KCNH8: variants seen among roughly 807,000 people sequenced by gnomAD.
KCNH8 encodes potassium voltage-gated channel subfamily H member 8, also known as voltage-gated delayed rectifier potassium channel KCNH8.
KCNH8 carries 70 observed loss-of-function variants against 103.6 expected under a neutral mutation model. The observed-to-expected ratio is 0.68, with a 90% CI of 0.56 to 0.82. The LOEUF (loss-of-function observed/expected upper bound fraction) is 0.82, where lower values mean the gene tolerates loss of function less well. Ranked by LOEUF, KCNH8 falls within the 40% of genes least tolerant of loss-of-function variation. The probability of loss-of-function intolerance (pLI) is 0.00; values close to 1 mark genes in which losing one functional copy is unlikely to be tolerated. For synonymous variants in KCNH8, 498 were observed against 489.4 expected (o/e 1.02, Z -0.23); for missense variants, 1,217 against 1,329.9 (o/e 0.92, Z 1.32).
intron 5 of KCNH8, among the ~76,000 whole-genome samples, chr3:19,379,514 C>T (rs1044764541): frequency 2.0e-5 from 3 of 152,006 alleles, no homozygotes; most frequent in Non-Finnish European, 2.9e-5. Flanking sequence ...GTGGCATGCA[C>T]CTATAGTCCC....
intron 11 of KCNH8, among the ~76,000 whole-genome samples, chr3:19,488,935 A>G (rs1295842320): frequency 2.0e-5 from 3 of 152,150 alleles, no homozygotes; most frequent in African/African-American, 7.2e-5. Context: ...TTAAAGCTTG[A>G]GGCTTTTTGG....
rs750779500 is a variant in KCNH8 at position 19,253,756 on chromosome 3, T to G, written c.179T>G (p.Val60Gly). 1 of 1,613,904 alleles carries G rather than the reference T, an allele frequency of 6.2e-7. No homozygotes were observed. The highest frequency in any genetic ancestry group is 1.1e-5 in the South Asian group (1 of 91,082). ...CELAGFARTE[V>G]MQKSCSCKFL... is the part of the protein sequence containing the mutation. The stretch of plus-strand genomic sequence containing the variant: ...CTTGCTGGATTTGCCCGAACTGAAG[T>G]CATGCAGAAGAGTTGTAGCTGCAAG... The change falls in exon 2 of 16, where the codon GTC (valine) becomes GGC (glycine). Residue 60 changes from valine to glycine, a missense_variant. By Grantham distance (109) the Val-to-Gly change is moderately radical. This residue lies in a region of KCNH8 where 244 missense variants were observed against 256.8 expected (regional missense o/e 0.95). Coordinates refer to ENST00000328405, the MANE Select transcript of KCNH8 (RefSeq NM_144633.3).
chr3:19,283,968 GA>G (rs1024289441), intron 3 of KCNH8, among the ~76,000 whole-genome samples: 6 of 145,998 alleles, frequency 4.1e-5, no homozygotes, highest in Admixed American at 6.8e-5. Context: ...TAAAGAAAAA[GA>G]AAAAAAAATA....
At chr3:19,286,660 C>T (rs369713508) in intron 3 of KCNH8, among the ~76,000 whole-genome samples, 5 of 152,096 alleles carry the variant, frequency 3.3e-5, no homozygotes, top group African/African-American at 7.2e-5. Flanking sequence ...TATATCCTCC[C>T]ATATACTTTA....
chr3:19,180,892 C>T (rs1191706771), intron 1 of KCNH8, among the ~76,000 whole-genome samples: 3 of 151,858 alleles, frequency 2.0e-5, no homozygotes, highest in Non-Finnish European at 2.9e-5. Context: ...ATAGGGTGAT[C>T]ACAGAGAAAG....
chr3:19,215,318 T>A (rs1285761141), intron 1 of KCNH8, among the ~76,000 whole-genome samples: 1 of 152,180 alleles, frequency 6.6e-6, no homozygotes, highest in Non-Finnish European at 1.5e-5. Flanking sequence ...TATTTATAAT[T>A]TCTGGCACCA....
At chr3:19,388,004 T>C (rs1228949875) in intron 5 of KCNH8, among the ~76,000 whole-genome samples, 2 of 151,848 alleles carry the variant, frequency 1.3e-5, no homozygotes, top group Non-Finnish European at 2.9e-5. Context: ...ACCACACAGC[T>C]TTAAAAATGT....
At chr3:19,348,365 G>A (rs184723701) in intron 5 of KCNH8, among the ~76,000 whole-genome samples, 6 of 144,720 alleles carry the variant, frequency 4.1e-5, no homozygotes, top group African/African-American at 1.2e-4. Flanking sequence ...ATGCCCTTCC[G>A]TGCCCTTTCA....
chr3:19,190,808 T>C (rs2063544873), intron 1 of KCNH8, among the ~76,000 whole-genome samples: 3 of 151,910 alleles, frequency 2.0e-5, no homozygotes, highest in Admixed American at 6.6e-5. Flanking sequence ...AGCTTCCTGT[T>C]TCAAACCTCC....
chr3:19,249,214 C>T (rs1047134486), intron 1 of KCNH8, among the ~76,000 whole-genome samples: 1 of 152,094 alleles, frequency 6.6e-6, no homozygotes, highest in African/African-American at 2.4e-5. Flanking sequence ...TTACATAATT[C>T]TAAAGTAAAT....
At chr3:19,255,107 G>A (rs2064330273) in intron 2 of KCNH8, among the ~76,000 whole-genome samples, 2 of 152,096 alleles carry the variant, frequency 1.3e-5, no homozygotes, top group Admixed American at 6.6e-5. Flanking sequence ...AAGCAGAAGA[G>A]GCACTGAGGG....
intron 15 of KCNH8, among the ~76,000 whole-genome samples, chr3:19,530,781 C>A (rs919680399): frequency 2.0e-5 from 3 of 152,152 alleles, no homozygotes; most frequent in South Asian, 2.1e-4. Flanking sequence ...AGCAATATTT[C>A]TTTTTCTACA....
chr3:19,231,361 T>C (rs1343763814), intron 1 of KCNH8, among the ~76,000 whole-genome samples: 1 of 152,178 alleles, frequency 6.6e-6, no homozygotes, highest in East Asian at 1.9e-4. Context: ...CTCGGTATGT[T>C]GTAGATAAAC....
intron 1 of KCNH8, among the ~76,000 whole-genome samples, chr3:19,209,908 T>C (rs1414584019): frequency 6.6e-6 from 1 of 152,044 alleles, no homozygotes; most frequent in East Asian, 1.9e-4. Flanking sequence ...AGCCCTCAAG[T>C]GGGCTTTGGG....
intron 1 of KCNH8, among the ~76,000 whole-genome samples, chr3:19,187,203 T>C (rs960549307): frequency 1.3e-5 from 2 of 151,928 alleles, no homozygotes; most frequent in South Asian, 2.1e-4. Flanking sequence ...ATAGAGAATA[T>C]ACTGAAAAAC....
At chr3:19,245,807 C>T (rs2064197203) in intron 1 of KCNH8, among the ~76,000 whole-genome samples, 1 of 152,126 alleles carries the variant, frequency 6.6e-6, no homozygotes, top group South Asian at 2.1e-4. Flanking sequence ...AGAAACCATA[C>T]TGAAAGTGTT....
chr3:19,485,545 A>G (rs1372856647), intron 11 of KCNH8, among the ~76,000 whole-genome samples: 1 of 152,250 alleles, frequency 6.6e-6, no homozygotes, highest in African/African-American at 2.4e-5. Context: ...GGCCAATACG[A>G]TTGTGGCTCC....
chr3:19,242,578 C>T (rs7641298), intron 1 of KCNH8, among the ~76,000 whole-genome samples: 9,679 of 152,206 alleles, frequency 0.064, 996 homozygotes, highest in African/African-American at 0.21. Context: ...TCCCCCTAAA[C>T]CATAGAAATC....
chr3:19,286,466 C>T (rs1383147935), intron 3 of KCNH8, among the ~76,000 whole-genome samples: 1 of 152,098 alleles, frequency 6.6e-6, no homozygotes. Context: ...AACCAACCTG[C>T]CAAACCAACC....
Sources: allele counts gnomAD v4.1 joint callset (sites outside exome capture counted in the v4.1 genomes callset), GRCh38; gene constraint gnomAD v4.1.1; regional missense constraint gnomAD v4.1.1; transcripts MANE v1.5; gene names NCBI Gene and HGNC (gene_info 2026-07-23, HGNC 2026-07-21).